The following OR3A1 variants were observed in gnomAD, a reference collection of about 807,000 sequenced individuals.
OR3A1 encodes the protein olfactory receptor 3A1.
For synonymous variants in OR3A1, 145 were observed against 160.0 expected (o/e 0.91, Z 0.71); for missense variants, 402 against 393.8 (o/e 1.02, Z -0.18).
rs111595550 is a variant in OR3A1 at position 3,292,337 on chromosome 17, T to A, written c.246A>T (p.Pro82=). The change falls in exon 2 of 2, where the codon CCA becomes CCT. Residue 82 remains proline (P), a synonymous_variant. Transcript: ENST00000323404. ...GGGACAGGAGACGACTCAACATTGA[T>A]GGAACAGTGACGCTGATGCACCCAA... ...LDVGCISVTV[P]SMLSRLLSRK... is the part of the protein sequence containing the mutation. 1 of 1,614,002 alleles carries A rather than the reference T, an allele frequency of 6.2e-7. No individual in the cohort carries two copies. The highest frequency in any genetic ancestry group is 1.1e-5 in the South Asian group (1 of 91,050).
Position 3,292,423 on chromosome 17 carries a change from C to A in OR3A1, c.160G>T (p.Val54Leu). Residue 54 changes from valine to leucine, a missense_variant, in exon 2 of 2, where the codon GTG becomes TTG. Val to Leu is a conservative substitution (Grantham distance 32). Coordinates refer to ENST00000323404, the MANE Select transcript of OR3A1 (RefSeq NM_002550.3). Reference sequence around the variant, plus strand: ...ATGGGGGTGTGGAGTTTGGGCTCCACCAAGACAGCTGCCAGGATGCTGAGG... The same window carrying A: ...ATGGGGGTGTGGAGTTTGGGCTCCAACAAGACAGCTGCCAGGATGCTGAGG... ...GNLSILAAVL[V>L]EPKLHTPMYF... The A allele has an allele frequency of 6.2e-7, 1 of 1,613,980 alleles. No homozygotes were observed. Among genetic ancestry groups the A allele is most frequent in the Middle Eastern group, 1.6e-4 (1 of 6,062 alleles).
Position 3,292,068 on chromosome 17 carries a change from C to G in OR3A1, c.515G>C (p.Cys172Ser), listed in dbSNP as rs775969454. Reference sequence around the variant, plus strand: ...GAAGTGATTGATCACATTGGGGCCACAGAAGTTGAGCGTGGACATGGCCAC... The same window carrying G: ...GAAGTGATTGATCACATTGGGGCCAGAGAAGTTGAGCGTGGACATGGCCAC... ...HTVAMSTLNFCGPNVINHFYC... is the reference protein window; with the variant it reads ...HTVAMSTLNFSGPNVINHFYC... The change falls in exon 2 of 2, where the codon TGT becomes TCT. Residue 172 changes from cysteine (C) to serine (S), a missense_variant. By Grantham distance (112) the Cys-to-Ser change is moderately radical. Transcript: ENST00000323404. 3.1e-6 allele frequency: 5 copies of G among 1,614,192 alleles called. No individual in the cohort carries two copies. The highest frequency in any genetic ancestry group is 4.2e-6 in the Non-Finnish European group (5 of 1,180,044).
rs148325106 is a variant in OR3A1 at position 3,293,522 on chromosome 17, G to T, written c.-6-934C>A. 7.2e-5 allele frequency among the ~76,000 whole-genome samples: 11 copies of T among 152,190 alleles called. No homozygotes were observed. The East Asian group carries it at 2.1e-3, about 29-fold the overall frequency. ...GATACAAGCATCTTGTGAATATCTAGTTTGGCAAAAACTCATGTCATTTAA... is the reference window on the plus strand; with the variant it reads ...GATACAAGCATCTTGTGAATATCTATTTTGGCAAAAACTCATGTCATTTAA... On this transcript the variant is annotated intron_variant, in intron 1 of 1. Transcript: ENST00000323404.
chr17:3,292,135 C>T lies in OR3A1; in HGVS notation c.448G>A (p.Ala150Thr), dbSNP rs2048877498. ...SQTVQRMLVA[A>T]SWACAFTNAL... Reference sequence around the variant, plus strand: ...TTGGTGAAAGCACAAGCCCAGGACGCAGCCACCAACATCCTCTGGACTGTC... The same window carrying T: ...TTGGTGAAAGCACAAGCCCAGGACGTAGCCACCAACATCCTCTGGACTGTC... Residue 150 changes from alanine to threonine, a missense_variant, in exon 2 of 2, where the codon GCG (alanine) becomes ACG (threonine). Physicochemically the swap from Ala to Thr is moderately conservative, Grantham distance 58 (BLOSUM62 0). Transcript: ENST00000323404. The T allele has an allele frequency of 1.2e-6, 2 of 1,614,146 alleles. No individual in the cohort carries two copies. The highest frequency in any genetic ancestry group is 2.2e-5 in the East Asian group (1 of 44,874).
Position 3,291,783 on chromosome 17 carries a change from G to T in OR3A1, c.800C>A (p.Ser267Ter). ...TTTATCCTTGTCTGAAAGCTTGGTT[G>T]AACCCAGTCGCATATAGTTAAAGAT... is the stretch of plus-strand genomic sequence containing the variant. ...SGIFNYMRLG[S>*]TKLSDKDKAV... Residue 267 changes from serine (S) to a stop codon, truncating the protein, a stop_gained, in exon 2 of 2, where the codon TCA (serine) becomes TAA (stop). Coordinates refer to ENST00000323404, the MANE Select transcript of OR3A1 (RefSeq NM_002550.3). LOFTEE classifies it low-confidence loss of function (END_TRUNC). 6.2e-7 allele frequency: 1 copy of T among 1,613,762 alleles called. No homozygotes were observed. Among genetic ancestry groups the T allele is most frequent in the South Asian group, 1.1e-5 (1 of 91,082 alleles).
chr17:3,295,525 T>C (rs1042543008), intron 1 of OR3A1, among the ~76,000 whole-genome samples: 5 of 152,164 alleles, frequency 3.3e-5, no homozygotes, highest in South Asian at 4.1e-4. Context: ...GCCCTTACAG[T>C]GAAAGGCTAT....
At chr17:3,297,912 C>G (rs2150624764) in intron 1 of OR3A1, among the ~76,000 whole-genome samples, 1 of 151,166 alleles carries the variant, frequency 6.6e-6, no homozygotes, top group African/African-American at 2.4e-5. Flanking sequence ...GAGGAAAAGG[C>G]ACAGAAGTAC....
chr17:3,292,256 C>T lies in OR3A1; in HGVS notation c.327G>A (p.Leu109=), dbSNP rs758609296. The T allele has an allele frequency of 1.2e-6, 2 of 1,614,124 alleles. No homozygotes were observed. The highest frequency in any genetic ancestry group is 2.2e-5 in the South Asian group (2 of 91,074). ...GCAGGAAGCAGTCCACTCCAACGAA[C>T]AGATGGAAGAAGAAGAGCTGGGTAA... is the stretch of plus-strand genomic sequence containing the variant. ...ACLTQLFFFH[L]FVGVDCFLLT... The change falls in exon 2 of 2, where the codon CTG becomes CTA. Residue 109 remains leucine, a synonymous_variant. Coordinates refer to ENST00000323404, the MANE Select transcript of OR3A1 (RefSeq NM_002550.3).
intron 1 of OR3A1, among the ~76,000 whole-genome samples, chr17:3,295,160 C>CA (rs1018854598): frequency 2.6e-5 from 4 of 151,436 alleles, no homozygotes; most frequent in African/African-American, 9.7e-5. Flanking sequence ...TTATAATTAG[C>CA]AAAAAAAGGA....
At chr17:3,295,923 T>C (rs16952833) in intron 1 of OR3A1, among the ~76,000 whole-genome samples, 2,144 of 152,228 alleles carry the variant, frequency 0.014, 35 homozygotes, top group African/African-American at 0.048. Context: ...AAGCACAGGA[T>C]GTTCAAAGAG....
At chr17:3,293,393 C>G (rs976191866) in intron 1 of OR3A1, among the ~76,000 whole-genome samples, 6 of 152,262 alleles carry the variant, frequency 3.9e-5, no homozygotes, top group Admixed American at 2.6e-4. Flanking sequence ...TTCTATTTAC[C>G]TGTCTGCATT....
At position 3,291,918 on chromosome 17, in the gene OR3A1, A is replaced by T; in HGVS notation, c.665T>A (p.Ile222Asn). 6.2e-7 allele frequency: 1 copy of T among 1,614,222 alleles called. No individual in the cohort carries two copies. The highest frequency in any genetic ancestry group is 8.5e-7 in the Non-Finnish European group (1 of 1,180,046). The part of the protein sequence containing the change: ...TPMALIVISY[I>N]HVAAAVLRIR... ...TCGCAGGACTGCAGCTGCCACGTGGATATAGGAGATGACAATGAGAGCCAT... is the reference window on the plus strand; with the variant it reads ...TCGCAGGACTGCAGCTGCCACGTGGTTATAGGAGATGACAATGAGAGCCAT... Residue 222 changes from isoleucine to asparagine, a missense_variant, in exon 2 of 2, where the codon ATC becomes AAC. Physicochemically the swap from Ile to Asn is moderately radical, Grantham distance 149 (BLOSUM62 -3). Transcript: ENST00000323404.
At chr17:3,292,701 G>T in intron 1 of OR3A1, 113 bp from the exon 2 acceptor site, 1 of 838,504 alleles carries the variant, frequency 1.2e-6, no homozygotes, top group Non-Finnish European at 1.8e-6. Flanking sequence ...CGTTCCCTCT[G>T]TACAAGTAAG....
chr17:3,293,462 T>C (rs1264868792), intron 1 of OR3A1, among the ~76,000 whole-genome samples: 1 of 152,182 alleles, frequency 6.6e-6, no homozygotes, highest in Admixed American at 6.5e-5. Context: ...ACAAGGTAGG[T>C]TCCTGCTAGT....
intron 1 of OR3A1, among the ~76,000 whole-genome samples, chr17:3,294,986 A>G (rs899989490): frequency 7.2e-5 from 11 of 152,260 alleles, no homozygotes; most frequent in Admixed American, 3.9e-4. Context: ...CTTTTTTAAG[A>G]AACAGACTTC....
intron 1 of OR3A1, among the ~76,000 whole-genome samples, chr17:3,294,300 G>C (rs964112885): frequency 6.6e-6 from 1 of 151,672 alleles, no homozygotes; most frequent in African/African-American, 2.4e-5. Flanking sequence ...AGAAAGAAAA[G>C]ATGTTAAAGA....
Position 3,292,212 on chromosome 17 carries a change from T to C in OR3A1, c.371A>G (p.Asp124Gly). 2 of 1,613,824 alleles carry C rather than the reference T, an allele frequency of 1.2e-6. No homozygotes were observed. Among genetic ancestry groups the C allele is most frequent in the Non-Finnish European group, 1.7e-6 (2 of 1,179,930 alleles). ...GGGCCGGCAGATGGCCAGGAATCGG[T>C]CATAGGCCATGGCGGTCAGCAGGAA... ...DCFLLTAMAY[D>G]RFLAICRPLT... Residue 124 changes from aspartate to glycine, a missense_variant, in exon 2 of 2, where the codon GAC becomes GGC. Coordinates refer to ENST00000323404, the MANE Select transcript of OR3A1 (RefSeq NM_002550.3).
At chr17:3,297,114 C>G (rs2048925315) in intron 1 of OR3A1, among the ~76,000 whole-genome samples, 1 of 152,186 alleles carries the variant, frequency 6.6e-6, no homozygotes, top group Admixed American at 6.5e-5. Context: ...GTGGAAGCCT[C>G]AAAGCTAGAA....
At position 3,292,059 on chromosome 17, in the gene OR3A1, T is replaced by A; in HGVS notation, c.524A>T (p.Asn175Ile). 1 of 1,614,084 alleles carries A rather than the reference T, an allele frequency of 6.2e-7. No homozygotes were observed. The highest frequency in any genetic ancestry group is 1.6e-4 in the Middle Eastern group (1 of 6,062). ...GTCACAGTAGAAGTGATTGATCACATTGGGGCCACAGAAGTTGAGCGTGGA... is the reference window on the plus strand; with the variant it reads ...GTCACAGTAGAAGTGATTGATCACAATGGGGCCACAGAAGTTGAGCGTGGA... ...AMSTLNFCGPNVINHFYCDLP... is the reference protein window; with the variant it reads ...AMSTLNFCGPIVINHFYCDLP... Residue 175 changes from asparagine to isoleucine, a missense_variant, in exon 2 of 2, where the codon AAT (asparagine) becomes ATT (isoleucine). Transcript: ENST00000323404.
Sources: allele counts gnomAD v4.1 joint callset (sites outside exome capture counted in the v4.1 genomes callset), GRCh38; gene constraint gnomAD v4.1.1; transcripts MANE v1.5; gene names NCBI Gene and HGNC (gene_info 2026-07-23, HGNC 2026-07-21).